Variants in LAMA2 observed in about 807,000 individuals in gnomAD.
LAMA2 encodes the protein laminin subunit alpha-2.
A neutral mutation model predicts 364.8 loss-of-function variants in LAMA2; 269 were observed. The observed-to-expected ratio is 0.74, with a 90% CI of 0.67 to 0.82. The LOEUF (loss-of-function observed/expected upper bound fraction) is 0.82. Ranked by LOEUF, LAMA2 falls within the 40% of genes least tolerant of loss-of-function variation. The pLI is 0.00. For missense variants in LAMA2, 3,807 were observed against 3,873.2 expected, an observed-to-expected ratio of 0.98 and a Z score of 0.45; for synonymous variants, 1,379 against 1,370.6, an observed-to-expected ratio of 1.01 and a Z score of -0.14.
chr6:128,909,926 G>T (rs1439851157), intron 1 of LAMA2, among the ~76,000 whole-genome samples: 1 of 151,548 alleles, frequency 6.6e-6, no homozygotes, highest in African/African-American at 2.4e-5. Context: ...GAAATTCTGG[G>T]TTGAAAATTC....
At chr6:129,309,788 G>A (rs889125280) in intron 22 of LAMA2, among the ~76,000 whole-genome samples, 1 of 152,080 alleles carries the variant, frequency 6.6e-6, no homozygotes, top group African/African-American at 2.4e-5. Flanking sequence ...AGATCTTTGG[G>A]TTTAAAATAT....
At chr6:129,270,266 T>TACACAC in intron 16 of LAMA2, among the ~76,000 whole-genome samples, 1 of 143,036 alleles carries the variant, frequency 7.0e-6, no homozygotes, top group African/African-American at 2.6e-5. Flanking sequence ...GCTCTATGAC[T>TACACAC]ACACACACAC....
At chr6:129,013,306 G>A (rs1296668037) in intron 1 of LAMA2, among the ~76,000 whole-genome samples, 3 of 151,920 alleles carry the variant, frequency 2.0e-5, no homozygotes, top group Admixed American at 6.6e-5. Context: ...GCGTGGTGGC[G>A]GGCGCCTGTA....
intron 1 of LAMA2, among the ~76,000 whole-genome samples, chr6:128,960,596 G>T (rs62428477): frequency 3.9e-5 from 6 of 152,102 alleles, no homozygotes; most frequent in Non-Finnish European, 8.8e-5. Flanking sequence ...CTGACCTCGG[G>T]TGATCCACCC....
intron 22 of LAMA2, among the ~76,000 whole-genome samples, chr6:129,308,845 C>T (rs1170038437): frequency 6.6e-6 from 1 of 152,124 alleles, no homozygotes; most frequent in Non-Finnish European, 1.5e-5. Flanking sequence ...TTCCACATGG[C>T]AGGATCAGGA....
In LAMA2 at chr6:129,200,361, TATACAC is replaced by T. The variant is rs201517186; in HGVS notation, c.1782+7509_1782+7514del. 4.5e-4 allele frequency among the ~76,000 whole-genome samples: 55 copies of T among 122,000 alleles called. 2 individuals carry two copies. Among genetic ancestry groups the T allele is most frequent in the African/African-American group, 1.1e-3 (38 of 35,864 alleles). The allele number at this position is 122,000 out of a possible 152,430, so 80.0% of individuals were successfully genotyped here. ...ACACGTATATGTGTACACATATACA[TATACAC>T]GTGTATGTGTACACATATACATGTG... On this transcript the variant is annotated intron_variant, in intron 12 of 64. Coordinates refer to ENST00000421865, the MANE Select transcript of LAMA2 (RefSeq NM_000426.4).
At chr6:129,231,718 A>G (rs1036075830) in intron 12 of LAMA2, among the ~76,000 whole-genome samples, 3 of 149,922 alleles carry the variant, frequency 2.0e-5, no homozygotes, top group Non-Finnish European at 4.5e-5. Context: ...TTCTTTTTAC[A>G]TTGATGATTA....
At chr6:129,032,471 C>A (rs1370918849) in intron 1 of LAMA2, among the ~76,000 whole-genome samples, 2 of 152,128 alleles carry the variant, frequency 1.3e-5, no homozygotes, top group East Asian at 3.9e-4. Context: ...CTAGACAAGC[C>A]CTAAGCAAGG....
At chr6:129,007,452 C>CTA (rs1562913450) in intron 1 of LAMA2, among the ~76,000 whole-genome samples, 3 of 152,120 alleles carry the variant, frequency 2.0e-5, no homozygotes, top group Non-Finnish European at 4.4e-5. Context: ...ATTCTAGATG[C>CTA]TATTCATCTT....
At chr6:129,164,119 C>T (rs911469866) in intron 8 of LAMA2, among the ~76,000 whole-genome samples, 9 of 151,952 alleles carry the variant, frequency 5.9e-5, no homozygotes, top group African/African-American at 2.2e-4. Flanking sequence ...TTCCAGGAAC[C>T]CCAGTTGATA....
chr6:129,213,507 G>A (rs1040479632), intron 12 of LAMA2, among the ~76,000 whole-genome samples: 1 of 152,130 alleles, frequency 6.6e-6, no homozygotes, highest in Non-Finnish European at 1.5e-5. Context: ...ATGAACAAGA[G>A]TTCCTGTTTC....
intron 1 of LAMA2, among the ~76,000 whole-genome samples, chr6:128,969,931 G>A (rs1362867745): frequency 1.3e-5 from 2 of 152,056 alleles, no homozygotes; most frequent in African/African-American, 2.4e-5. Flanking sequence ...CAGTTATTTC[G>A]AGGTCTCAAA....
intron 4 of LAMA2, among the ~76,000 whole-genome samples, chr6:129,124,515 A>G (rs1220951597): frequency 6.6e-6 from 1 of 152,156 alleles, no homozygotes; most frequent in East Asian, 1.9e-4. Flanking sequence ...TCTCTGCAGG[A>G]AGTAGAGCCC....
intron 1 of LAMA2, among the ~76,000 whole-genome samples, chr6:128,973,487 T>C (rs1325775209): frequency 6.6e-6 from 1 of 152,230 alleles, no homozygotes; most frequent in Admixed American, 6.5e-5. Context: ...ATTATTTTGT[T>C]TAGAGCACCT....
At chr6:129,383,835 C>T (rs578195560) in intron 35 of LAMA2, among the ~76,000 whole-genome samples, 6 of 152,232 alleles carry the variant, frequency 3.9e-5, no homozygotes, top group East Asian at 1.9e-4. Context: ...ATGCCCCATC[C>T]GCACTCGCCC....
chr6:129,248,241 C>T (rs753794545), intron 12 of LAMA2, among the ~76,000 whole-genome samples: 28 of 152,116 alleles, frequency 1.8e-4, no homozygotes, highest in Admixed American at 8.5e-4. Flanking sequence ...CCTCTGTGTC[C>T]ATGGAAAAAT....
intron 23 of LAMA2, 118 bp from the exon 24 acceptor site, chr6:129,314,537 G>A (rs1774451084): frequency 1.2e-6 from 1 of 856,170 alleles, no homozygotes; most frequent in African/African-American, 1.7e-5. Context: ...AATACTCAGT[G>A]TTCTTCTGTT....
intron 35 of LAMA2, among the ~76,000 whole-genome samples, chr6:129,390,087 A>T (rs1562519522): frequency 6.6e-6 from 1 of 152,346 alleles, no homozygotes; most frequent in East Asian, 1.9e-4. Flanking sequence ...TATATAACGA[A>T]AAAAGAATTA....
intron 4 of LAMA2, among the ~76,000 whole-genome samples, chr6:129,124,998 G>A (rs2114925588): frequency 6.6e-6 from 1 of 152,286 alleles, no homozygotes; most frequent in East Asian, 1.9e-4. Flanking sequence ...GAGCAGGGTA[G>A]CAGCATGAAA....
Sources: allele counts gnomAD v4.1 joint callset (sites outside exome capture counted in the v4.1 genomes callset), GRCh38; gene constraint gnomAD v4.1.1; transcripts MANE v1.5; gene names NCBI Gene and HGNC (gene_info 2026-07-23, HGNC 2026-07-21).